The following PLEKHA1 variants were observed in gnomAD, a reference collection of about 807,000 sequenced individuals.
PLEKHA1 encodes pleckstrin homology domain containing A1.
Under a neutral mutation model 52.0 loss-of-function variants are expected in PLEKHA1, and 34 were observed. That is an observed-to-expected ratio of 0.65 (90% CI 0.50 to 0.87). The LOEUF is 0.87. Among genes scored for constraint, PLEKHA1 ranks in the 40% least tolerant of loss-of-function variants. PLEKHA1 has a pLI of 0.00. For synonymous variants in PLEKHA1, 163 were observed against 170.7 expected, an observed-to-expected ratio of 0.95 and a Z score of 0.35; for missense variants, 497 against 504.2, an observed-to-expected ratio of 0.99 and a Z score of 0.14.
At position 122,427,880 on chromosome 10, in the gene PLEKHA1, A is replaced by G. The variant is rs150948692; in HGVS notation, c.900+849A>G. Among the ~76,000 whole-genome samples the G allele has an allele frequency of 6.9e-3, 1,050 of 152,278 alleles. 5 individuals carry two copies. Among genetic ancestry groups the G allele is most frequent in the Non-Finnish European group, 0.011 (768 of 68,000 alleles). Reference sequence around the variant, plus strand: ...TATATGCTAGTTACTTACACTTTTAATATTTTTTTCTGATAGTATTATAAT... The same window carrying G: ...TATATGCTAGTTACTTACACTTTTAGTATTTTTTTCTGATAGTATTATAAT... On this transcript the variant is annotated intron_variant, in intron 11 of 11. Coordinates refer to ENST00000368990, the MANE Select transcript of PLEKHA1 (RefSeq NM_001001974.4).
At chr10:122,399,606 A>G (rs1565195663) in intron 3 of PLEKHA1, among the ~76,000 whole-genome samples, 2 of 151,420 alleles carry the variant, frequency 1.3e-5, no homozygotes, top group Admixed American at 6.6e-5. Context: ...ATTTTTTGAG[A>G]TGAAGTCTCA....
At chr10:122,390,361 T>G (rs534601002) in intron 1 of PLEKHA1, among the ~76,000 whole-genome samples, 1 of 152,254 alleles carries the variant, frequency 6.6e-6, no homozygotes, top group Non-Finnish European at 1.5e-5. Context: ...TTAATTTCCT[T>G]CAGGAACTTT....
At chr10:122,375,799 CTCG>C (rs1490232493) in intron 1 of PLEKHA1, among the ~76,000 whole-genome samples, 1 of 152,166 alleles carries the variant, frequency 6.6e-6, no homozygotes, top group African/African-American at 2.4e-5. Flanking sequence ...CTGCGTTTTC[CTCG>C]TCTGTTTGTT....
intron 5 of PLEKHA1, chr10:122,412,066 TTAAC>T (rs1284506175): frequency 6.6e-6 from 1 of 152,194 alleles, no homozygotes; most frequent in Admixed American, 6.5e-5. Flanking sequence ...GAAATAATGA[TTAAC>T]TGAGTACCTT....
At chr10:122,416,608 C>G (rs1181727668) in intron 7 of PLEKHA1, among the ~76,000 whole-genome samples, 1 of 152,016 alleles carries the variant, frequency 6.6e-6, no homozygotes, top group East Asian at 1.9e-4. Flanking sequence ...ATGGGTTAGC[C>G]CAGGTATTCC....
downstream of PLEKHA1, chr10:122,437,119 T>C (rs2097441300): frequency 6.6e-6 from 1 of 152,082 alleles, no homozygotes; most frequent in South Asian, 2.1e-4. Context: ...GGCGTCTGTT[T>C]CTTTTTGACT....
intron 4 of PLEKHA1, among the ~76,000 whole-genome samples, chr10:122,403,310 A>G (rs1413310496): frequency 7.2e-5 from 11 of 152,216 alleles, no homozygotes; most frequent in African/African-American, 1.9e-4. Flanking sequence ...TAGAGAAAAC[A>G]GAGTGGGGAA....
intron 1 of PLEKHA1, among the ~76,000 whole-genome samples, chr10:122,389,734 A>T (rs916308880): frequency 8.5e-5 from 13 of 152,188 alleles, no homozygotes; most frequent in Admixed American, 8.5e-4. Flanking sequence ...TCAGTAAAAC[A>T]TGCTGTAAAC....
At position 122,429,969 on chromosome 10, in the gene PLEKHA1, G is replaced by T; in HGVS notation, c.*31G>T. On this transcript the variant is annotated 3_prime_UTR_variant, in exon 12 of 12. Coordinates refer to ENST00000368990, the MANE Select transcript of PLEKHA1 (RefSeq NM_001001974.4). ...AAGCGCACGGAGCCTGCCTGCCTCT[G>T]CCGTCCTCAGTTTCCTTTCATGAGG... 6.4e-7 allele frequency: 1 copy of T among 1,571,098 alleles called. No homozygotes were observed.
At chr10:122,389,061 C>T (rs2096740235) in intron 1 of PLEKHA1, among the ~76,000 whole-genome samples, 2 of 152,136 alleles carry the variant, frequency 1.3e-5, no homozygotes, top group African/African-American at 4.8e-5. Flanking sequence ...GATATTTGGA[C>T]CTCCTCTTGT....
At chr10:122,404,666 A>G (rs1252108550) in intron 4 of PLEKHA1, among the ~76,000 whole-genome samples, 2 of 152,226 alleles carry the variant, frequency 1.3e-5, no homozygotes, top group Non-Finnish European at 2.9e-5. Flanking sequence ...ATACATATTT[A>G]TGGCAGTTAT....
In PLEKHA1 at chr10:122,393,392, A is replaced by C. The variant is rs927021179; in HGVS notation, c.141+51A>C. ...TTTAAAAGCACAGAAAGTTGTATTTAAGTATTTAACATACTATACAGGCTT... is the reference window on the plus strand; with the variant it reads ...TTTAAAAGCACAGAAAGTTGTATTTCAGTATTTAACATACTATACAGGCTT... On this transcript the variant is annotated intron_variant, in intron 2 of 11. Coordinates refer to ENST00000368990, the MANE Select transcript of PLEKHA1 (RefSeq NM_001001974.4). The surrounding 1 kb of genome is among the most constrained non-coding windows in gnomAD (Gnocchi z 4.5). The C allele has an allele frequency of 2.6e-6, 4 of 1,533,772 alleles. No homozygotes were observed. Among genetic ancestry groups the C allele is most frequent in the Admixed American group, 4.1e-5 (2 of 48,834 alleles).
chr10:122,422,421 A>G (rs2097272953), intron 8 of PLEKHA1: 1 of 152,266 alleles, frequency 6.6e-6, no homozygotes, highest in Admixed American at 6.5e-5. Flanking sequence ...ATCAGGGTTA[A>G]CACACCAGTG....
intron 5 of PLEKHA1, chr10:122,412,707 G>C (rs566952868): frequency 1.9e-6 from 1 of 530,760 alleles, no homozygotes; most frequent in South Asian, 2.9e-5. Context: ...GTACCTGCCC[G>C]AGTAAGCACT....
intron 1 of PLEKHA1, chr10:122,386,902 A>G (rs2096707583): frequency 6.6e-6 from 1 of 152,112 alleles, no homozygotes; most frequent in Non-Finnish European, 1.5e-5. Context: ...TAGGTACTTC[A>G]GATTTTCTTT....
In PLEKHA1 at chr10:122,393,798, G is replaced by A. The variant is rs2096808003; in HGVS notation, c.141+457G>A. Among the ~76,000 whole-genome samples, 1 of 152,184 alleles carries A rather than the reference G, an allele frequency of 6.6e-6. No individual in the cohort carries two copies. Among genetic ancestry groups the A allele is most frequent in the South Asian group, 2.1e-4 (1 of 4,834 alleles). On this transcript the variant is annotated intron_variant, in intron 2 of 11. Coordinates refer to ENST00000368990, the MANE Select transcript of PLEKHA1 (RefSeq NM_001001974.4). This position sits in a 1 kb window ranked among gnomAD's most constrained non-coding sequence, Gnocchi z 4.5. ...GTGAGATTAAATTTAGGTTTAAGAT[G>A]CTGCATCTAGGATAGAGACTATTAT...
the PLEKHA1 span, chr10:122,437,600 C>G: frequency 6.6e-6 from 1 of 152,272 alleles, no homozygotes. Flanking sequence ...GGAATGAGCC[C>G]TGGGGCGCTC....
chr10:122,440,100 C>T, the PLEKHA1 span: 1 of 152,126 alleles, frequency 6.6e-6, no homozygotes, highest in Admixed American at 6.5e-5. Flanking sequence ...CTGATTTTTA[C>T]CTGGAAGCAA....
intron 10 of PLEKHA1, chr10:122,425,160 T>C (rs1194324100): frequency 2.6e-6 from 1 of 390,906 alleles, no homozygotes; most frequent in Non-Finnish European, 4.5e-6. Flanking sequence ...TTGTTATGAA[T>C]TAGTGAACTA....
Sources: allele counts gnomAD v4.1 joint callset (sites outside exome capture counted in the v4.1 genomes callset), GRCh38; gene constraint gnomAD v4.1.1; non-coding constraint Gnocchi (gnomAD v3.1); transcripts MANE v1.5; gene names NCBI Gene and HGNC (gene_info 2026-07-23, HGNC 2026-07-21).